Variants in MACF1 observed in about 807,000 individuals in gnomAD.
The protein encoded by MACF1 is microtubule-actin cross-linking factor 1.
Under a neutral mutation model 854.8 loss-of-function variants are expected in MACF1, and 193 were observed. That is an observed-to-expected ratio of 0.23 (90% confidence interval 0.20 to 0.25). MACF1 has a LOEUF of 0.25. Ranked by LOEUF, MACF1 falls within the 10% of genes least tolerant of loss-of-function variation. The pLI is 1.00. For missense variants in MACF1, 7,722 were observed against 8,929.1 expected, an observed-to-expected ratio of 0.86 and a Z score of 5.45; for synonymous variants, 3,185 against 3,226.7, an observed-to-expected ratio of 0.99 and a Z score of 0.44.
At position 39,332,681 on chromosome 1, in the gene MACF1, C is replaced by G; in HGVS notation, c.6093C>G (p.Phe2031Leu). 4 of 1,614,114 alleles carry G rather than the reference C, an allele frequency of 2.5e-6. No individual in the cohort carries two copies. The highest frequency in any genetic ancestry group is 3.4e-6 in the Non-Finnish European group (4 of 1,180,008). Residue 2031 changes from phenylalanine to leucine, a missense_variant, in exon 37 of 101, where the codon TTC (phenylalanine) becomes TTG (leucine). By Grantham distance (22) the Phe-to-Leu change is conservative. Coordinates refer to ENST00000564288, the MANE Select transcript of MACF1 (RefSeq NM_001394062.1). The part of the protein sequence containing the change: ...ESANVKISGT[F>L]SSGWTVRLPE... ...CTAATGTGAAAATCTCAGGAACTTT[C>G]AGCAGTGGGTGGACTGTGAGGCTGC...
intron 89 of MACF1, 121 bp from the exon 90 acceptor site, chr1:39,458,249 G>C: frequency 1.2e-6 from 1 of 858,016 alleles, no homozygotes; most frequent in Non-Finnish European, 1.8e-6. Flanking sequence ...TCAGGCACCA[G>C]CCTCCACACA....
chr1:39,218,552 G>A (rs573501792), intron 1 of MACF1, among the ~76,000 whole-genome samples: 11 of 152,078 alleles, frequency 7.2e-5, no homozygotes, highest in African/African-American at 2.4e-4. Flanking sequence ...GAAATGCTTC[G>A]TTTTTCTGAC....
At chr1:39,134,126 C>T (rs374636433) in intron 2 of MACF1, among the ~76,000 whole-genome samples, 4 of 149,392 alleles carry the variant, frequency 2.7e-5, no homozygotes, top group East Asian at 3.9e-4. Context: ...CTGCAAGCTC[C>T]GCCTCCCGGG....
intron 89 of MACF1, 112 bp from the exon 90 acceptor site, chr1:39,458,258 C>G (rs1336228699): frequency 9.9e-7 from 1 of 1,014,198 alleles, no homozygotes. Flanking sequence ...AGCCTCCACA[C>G]AGCCTTTCCT....
intron 2 of MACF1, among the ~76,000 whole-genome samples, chr1:39,160,691 C>T (rs1387782367): frequency 6.6e-6 from 1 of 152,032 alleles, no homozygotes; most frequent in Non-Finnish European, 1.5e-5. Context: ...TGGTTTAGTC[C>T]TTATCATTTT....
At chr1:39,369,333 A>G (rs1438445585) in intron 50 of MACF1, among the ~76,000 whole-genome samples, 3 of 152,234 alleles carry the variant, frequency 2.0e-5, no homozygotes, top group Non-Finnish European at 2.9e-5. Flanking sequence ...AGCGATAAAT[A>G]TGATCTTGAT....
At chr1:39,267,137 T>G (rs1645242942) in intron 6 of MACF1, among the ~76,000 whole-genome samples, 1 of 152,250 alleles carries the variant, frequency 6.6e-6, no homozygotes, top group African/African-American at 2.4e-5. Context: ...GGGGTTGAAA[T>G]TAAAAGTCTT....
rs550020818 is a variant in MACF1, at chr1:39,215,088, A to T, written c.109+9957A>T. Among the ~76,000 whole-genome samples, 3 of 152,284 alleles carry T rather than the reference A, an allele frequency of 2.0e-5. No individual in the cohort carries two copies. In the East Asian group the frequency reaches 5.8e-4, roughly 29 times the overall value. The stretch of plus-strand genomic sequence containing the variant: ...GTACGCTCTATTGGTCTGGAAACAC[A>T]GAGTTGGTGCTACTTTTGAACAGCA... On this transcript the variant is annotated intron_variant, in intron 1 of 100. Transcript: ENST00000564288.
chr1:39,316,561 C>T (rs780527949), intron 28 of MACF1, 32 bp downstream of exon 28: 1 of 1,596,306 alleles, frequency 6.3e-7, no homozygotes, highest in South Asian at 1.1e-5. Flanking sequence ...AGGAGGTTGA[C>T]CTAACATATT....
intron 2 of MACF1, among the ~76,000 whole-genome samples, chr1:39,166,445 T>C (rs61782108): frequency 5.8e-4 from 18 of 30,774 alleles, no homozygotes; most frequent in African/African-American, 2.2e-3. Flanking sequence ...TTTATTTATT[T>C]ATTTATTCAT....
At chr1:39,351,415 A>G (rs376803604) in intron 43 of MACF1, among the ~76,000 whole-genome samples, 13 of 152,270 alleles carry the variant, frequency 8.5e-5, no homozygotes, top group East Asian at 7.7e-4. Context: ...AGAAATGTCC[A>G]GGAGGAGTTT....
chr1:39,473,377 TCTTC>T (rs1644813794), intron 97 of MACF1, among the ~76,000 whole-genome samples: 1 of 152,202 alleles, frequency 6.6e-6, no homozygotes, highest in East Asian at 1.9e-4. Flanking sequence ...CATGGGATAA[TCTTC>T]CTTCTTGTAG....
intron 2 of MACF1, among the ~76,000 whole-genome samples, chr1:39,179,459 A>G (rs1644075580): frequency 6.6e-6 from 1 of 152,224 alleles, no homozygotes; most frequent in Non-Finnish European, 1.5e-5. Context: ...CTTATTAGCT[A>G]TGTGATCTTG....
At chr1:39,456,527 C>T (rs527649779) in intron 89 of MACF1, among the ~76,000 whole-genome samples, 29 of 152,318 alleles carry the variant, frequency 1.9e-4, no homozygotes, top group African/African-American at 7.0e-4. Flanking sequence ...ATATTTTCAG[C>T]TTAACGATGG....
rs1302036654 is a variant in MACF1 at position 39,334,641 on chromosome 1, G to T, written c.8053G>T (p.Glu2685Ter). 1 of 1,614,084 alleles carries T rather than the reference G, an allele frequency of 6.2e-7. No homozygotes were observed. The highest frequency in any genetic ancestry group is 1.3e-5 in the African/African-American group (1 of 75,044). The change falls in exon 37 of 101, where the codon GAA (glutamate) becomes TAA (stop). Residue 2685 changes from glutamate (E) to a stop codon, truncating the protein, a stop_gained. Transcript: ENST00000564288. LOFTEE classifies it high-confidence loss of function. ...VDFASTLKVL[E>*]AQANTGGIID... is the part of the protein sequence containing the mutation. Reference sequence around the variant, plus strand: ...CTTTGCATCTACGCTGAAGGTTCTAGAAGCCCAGGCAAATACTGGTGGAAT... The same window carrying T: ...CTTTGCATCTACGCTGAAGGTTCTATAAGCCCAGGCAAATACTGGTGGAAT...
At chr1:39,153,980 TGCTGTTTCCTGGGTTAGCA>T (rs1226170441) in intron 2 of MACF1, among the ~76,000 whole-genome samples, 2 of 152,208 alleles carry the variant, frequency 1.3e-5, no homozygotes, top group Non-Finnish European at 2.9e-5. Context: ...GAGACATTTT[TGCTGTTTCCTGGGTTAGCA>T]GCTGCTTTGG....
At chr1:39,130,148 T>G (rs1298485328) in intron 2 of MACF1, among the ~76,000 whole-genome samples, 1 of 152,152 alleles carries the variant, frequency 6.6e-6, no homozygotes, top group Non-Finnish European at 1.5e-5. Context: ...CCTTTCAGAG[T>G]TTATTTTTCC....
intron 33 of MACF1, 52 bp from the exon 34 acceptor site, chr1:39,324,141 C>T (rs1204854878): frequency 2.6e-6 from 4 of 1,522,470 alleles, no homozygotes; most frequent in Non-Finnish European, 3.5e-6. Context: ...GAAGTCGTGC[C>T]AGCCTAATAA....
At chr1:39,256,653 G>T (rs920431916) in intron 5 of MACF1, among the ~76,000 whole-genome samples, 32 of 152,158 alleles carry the variant, frequency 2.1e-4, no homozygotes, top group African/African-American at 7.7e-4. Flanking sequence ...AAAGTTCCAC[G>T]TCCCAGGAAA....
Sources: gnomAD v4.1 joint callset for allele counts (sites outside exome capture counted in the v4.1 genomes callset) on GRCh38, gnomAD v4.1.1 for gene constraint, MANE v1.5 for transcripts, NCBI Gene and HGNC (gene_info 2026-07-23, HGNC 2026-07-21) for gene names.